The following CEP170B variants were observed in gnomAD, a reference collection of about 807,000 sequenced individuals.
CEP170B encodes centrosomal protein 170B, also known as centrosomal protein of 170 kDa protein B.
Under a neutral mutation model 120.6 loss-of-function variants are expected in CEP170B, and 55 were observed. The observed-to-expected ratio is 0.46, with a 90% CI of 0.37 to 0.57. The LOEUF is 0.57. Among genes scored for constraint, CEP170B ranks in the 20% least tolerant of loss-of-function variants. The pLI, the probability that CEP170B is intolerant of heterozygous loss-of-function variation, is 0.00. For missense variants in CEP170B, 2,212 were observed against 2,253.3 expected, an observed-to-expected ratio of 0.98 and a Z score of 0.37; for synonymous variants, 1,033 against 954.5, an observed-to-expected ratio of 1.08 and a Z score of -1.52.
intron 5 of CEP170B, among the ~76,000 whole-genome samples, chr14:104,879,822 G>A (rs993382700): frequency 6.6e-6 from 1 of 152,200 alleles, no homozygotes. Flanking sequence ...TTGTTCATGT[G>A]GGAGTTGTGG....
chr14:104,883,460 C>T lies in CEP170B; in HGVS notation c.1003C>T (p.Arg335Cys), dbSNP rs184184722. 253 of 1,560,096 alleles carry T rather than the reference C, an allele frequency of 1.6e-4. 1 individual carries two copies. Among genetic ancestry groups the T allele is most frequent in the East Asian group, 1.2e-3 (49 of 41,354 alleles). ...GCACCGGGTTGGCCCTGGGGATGAC[C>T]GCCACAGCACCAAGAGCGACCTGCC... ...LLHRVGPGDD[R>C]HSTKSDLPVH... is the part of the protein sequence containing the mutation. The change falls in exon 8 of 19, where the codon CGC becomes TGC. Residue 335 changes from arginine (R) to cysteine (C), a missense_variant. This residue lies in a region of CEP170B where 2,166 missense variants were observed against 2,166.7 expected (regional missense o/e 1.00). Coordinates refer to ENST00000414716, the MANE Select transcript of CEP170B (RefSeq NM_001112726.3).
At chr14:104,865,038 G>C (rs1895119102), upstream of CEP170B, among the ~76,000 whole-genome samples, 1 of 151,534 alleles carries the variant, frequency 6.6e-6, no homozygotes, top group Non-Finnish European at 1.5e-5. This position sits in a 1 kb window ranked among gnomAD's most constrained non-coding sequence, Gnocchi z 6.7. Context: ...AGCGGGGCCT[G>C]GGCGGTGGGG....
Position 104,867,986 on chromosome 14 carries a change from G to A in CEP170B, c.-27-438G>A, listed in dbSNP as rs1037449960. ...CTTGTTCAGTGTATGTCTTGGGGTG[G>A]GTCTGGTGCTGTGGACCTGGCATCA... is the stretch of plus-strand genomic sequence containing the variant. On this transcript the variant is annotated intron_variant, in intron 1 of 18. Transcript: ENST00000414716. This position sits in a 1 kb window ranked among gnomAD's most constrained non-coding sequence, Gnocchi z 5.4. Among the ~76,000 whole-genome samples, 1 of 152,038 alleles carries A rather than the reference G, an allele frequency of 6.6e-6. No individual in the cohort carries two copies. The highest frequency in any genetic ancestry group is 1.5e-5 in the Non-Finnish European group (1 of 67,986).
At chr14:104,890,985 ATGGG>A (rs1203055892) in intron 13 of CEP170B, among the ~76,000 whole-genome samples, 4 of 41,830 alleles carry the variant, frequency 9.6e-5, no homozygotes, top group South Asian at 1.8e-3. Context: ...GTGTGGATGG[ATGGG>A]TGGGTGGGTG....
intron 4 of CEP170B, 49 bp from the exon 5 acceptor site, chr14:104,878,394 G>T (rs367553168): frequency 6.3e-7 from 1 of 1,590,792 alleles, no homozygotes; most frequent in African/African-American, 1.3e-5. Flanking sequence ...GGACTTCAGC[G>T]CTGGGCTCCT....
At chr14:104,873,848 C>T (rs912594219) in intron 2 of CEP170B, among the ~76,000 whole-genome samples, 3 of 152,078 alleles carry the variant, frequency 2.0e-5, no homozygotes, top group Admixed American at 6.5e-5. Flanking sequence ...AGGGAGGGCC[C>T]GAGCCCGGCC....
In CEP170B at chr14:104,886,887, C is replaced by T. The variant is rs771243243; in HGVS notation, c.2648C>T (p.Pro883Leu). The change falls in exon 12 of 19, where the codon CCC becomes CTC. Residue 883 changes from proline to leucine, a missense_variant. By Grantham distance (98) the Pro-to-Leu change is moderately conservative. Transcript: ENST00000414716. ...PASGPPAPGK[P>L]PHISSHPLLQ... is the part of the protein sequence containing the mutation. Reference sequence around the variant, plus strand: ...AGTGGTCCCCCAGCGCCCGGCAAGCCCCCCCACATCTCCAGCCACCCGCTT... The same window carrying T: ...AGTGGTCCCCCAGCGCCCGGCAAGCTCCCCCACATCTCCAGCCACCCGCTT... The T allele has an allele frequency of 1.2e-6, 2 of 1,610,468 alleles. No individual in the cohort carries two copies. The highest frequency in any genetic ancestry group is 3.3e-5 in the Admixed American group (2 of 60,018).
In CEP170B at chr14:104,880,410, C is replaced by T. The variant is rs765432805; in HGVS notation, c.457C>T (p.Arg153Trp). ...GAACCCCAGGCCGGAGAAGGGGGAC[C>T]GGAGACCAGGAACAGGTAGGCCCAG... ...ASNPRPEKGD[R>W]RPGTEAASYR... The change falls in exon 6 of 19, where the codon CGG becomes TGG. Residue 153 changes from arginine to tryptophan, a missense_variant. Around this residue, in one of 2 missense-constraint regions of CEP170B, gnomAD observed 2,166 missense variants for 2,166.7 expected, o/e 1.00. Coordinates refer to ENST00000414716, the MANE Select transcript of CEP170B (RefSeq NM_001112726.3). 15 of 1,612,226 alleles carry T rather than the reference C, an allele frequency of 9.3e-6. No homozygotes were observed. Among genetic ancestry groups the T allele is most frequent in the South Asian group, 3.3e-5 (3 of 91,004 alleles).
chr14:104,872,141 GTGC>G (rs1259883536), intron 2 of CEP170B, among the ~76,000 whole-genome samples: 4 of 150,556 alleles, frequency 2.7e-5, no homozygotes, highest in African/African-American at 9.7e-5. Context: ...GTGCGTGTGT[GTGC>G]CGTGTGTGTG....
Position 104,889,445 on chromosome 14 carries a change from T to C in CEP170B, c.3740-175T>C, listed in dbSNP as rs183222088. Reference sequence around the variant, plus strand: ...ACTGAGCCCTCTCCCAGAGGGACCCTGGGACTGCCACAGGGTGCTGAGTGC... The same window carrying C: ...ACTGAGCCCTCTCCCAGAGGGACCCCGGGACTGCCACAGGGTGCTGAGTGC... On this transcript the variant is annotated intron_variant, in intron 12 of 18. Transcript: ENST00000414716. 1.4e-4 allele frequency: 211 copies of C among 1,475,014 alleles called. No individual in the cohort carries two copies. In the African/African-American group the frequency reaches 2.5e-3, roughly 17 times the overall value. 91.4% of individuals were successfully genotyped at this position (1,475,014 alleles called of 1,614,324 possible).
At chr14:104,872,231 G>A (rs1360559420) in intron 2 of CEP170B, among the ~76,000 whole-genome samples, 2 of 140,174 alleles carry the variant, frequency 1.4e-5, no homozygotes, top group African/African-American at 2.7e-5. Context: ...TGGGTGTGCC[G>A]TGCGTGTGTG....
At chr14:104,878,173 C>T (rs1476081340) in intron 4 of CEP170B, among the ~76,000 whole-genome samples, 2 of 151,998 alleles carry the variant, frequency 1.3e-5, no homozygotes, top group Non-Finnish European at 2.9e-5. Flanking sequence ...ACACCCTGGC[C>T]ACGGGTACCT....
intron 9 of CEP170B, 27 bp downstream of exon 9, chr14:104,884,576 C>G (rs371961088): frequency 6.5e-7 from 1 of 1,528,854 alleles, no homozygotes; most frequent in African/African-American, 1.5e-5. Flanking sequence ...AGTGAGAGCC[C>G]TCGTGGGGAA....
At position 104,883,258 on chromosome 14, in the gene CEP170B, C is replaced by T. The variant is rs780218993; in HGVS notation, c.801C>T (p.Ala267=). The T allele has an allele frequency of 2.0e-5, 33 of 1,611,536 alleles. No individual in the cohort carries two copies. The highest frequency in any genetic ancestry group is 2.5e-5 in the Non-Finnish European group (29 of 1,179,618). Residue 267 remains alanine (A), a synonymous_variant, in exon 8 of 19, where the codon GCC becomes GCT. Coordinates refer to ENST00000414716, the MANE Select transcript of CEP170B (RefSeq NM_001112726.3). ...CGGCCCCTGTGGTGCAGAGCCACGC[C>T]TCCTTCACCATCGAGTTTGATGACT... ...GGAAPVVQSH[A]SFTIEFDDCS...
chr14:104,894,384 C>T lies in CEP170B; in HGVS notation c.4365+6C>T, dbSNP rs530878777. ...TCCTGAAGACATCTAACAAGGTGAG[C>T]GCTGGGGCCCCGTGCCCCTTGGCCT... On this transcript the variant is annotated splice_donor_region_variant and intron_variant, in intron 17 of 18. Transcript: ENST00000414716. 26 of 1,612,688 alleles carry T rather than the reference C, an allele frequency of 1.6e-5. No homozygotes were observed. The highest frequency in any genetic ancestry group is 1.4e-4 in the South Asian group (13 of 91,074).
At chr14:104,878,347 G>A (rs1455472215) in intron 4 of CEP170B, 96 bp from the exon 5 acceptor site, 5 of 1,289,842 alleles carry the variant, frequency 3.9e-6, no homozygotes, top group Middle Eastern at 3.7e-4. Flanking sequence ...TGCCTGCCTC[G>A]ATGGGCCCTT....
intron 3 of CEP170B, among the ~76,000 whole-genome samples, chr14:104,876,656 G>A (rs1347195712): frequency 6.6e-6 from 1 of 152,086 alleles, no homozygotes; most frequent in Non-Finnish European, 1.5e-5. Flanking sequence ...GAGGCCCCCA[G>A]GCCTCCCCAG....
chr14:104,893,800 C>T lies in CEP170B; in HGVS notation c.4222C>T (p.Leu1408=). ...DNLMLNPVSQ[L]SQAIRENTEH... ...CCTGATGCTGAACCCGGTGTCCCAG[C>T]TGTCGCAGGCCATCCGTGAGAACAC... Residue 1408 remains leucine (L), a synonymous_variant, in exon 16 of 19, where the codon CTG becomes TTG. Transcript: ENST00000414716. The T allele has an allele frequency of 6.2e-7, 1 of 1,612,436 alleles. No individual in the cohort carries two copies. Among genetic ancestry groups the T allele is most frequent in the African/African-American group, 1.3e-5 (1 of 75,060 alleles).
At position 104,877,868 on chromosome 14, in the gene CEP170B, C is replaced by A; in HGVS notation, c.196-17C>A. On this transcript the variant is annotated splice_polypyrimidine_tract_variant and intron_variant, in intron 3 of 18. Coordinates refer to ENST00000414716, the MANE Select transcript of CEP170B (RefSeq NM_001112726.3). ...CGCGCAGCTCCCCCCCCCCCCCCGCCACCTGTTTTCCTGCAGACGTTTGTG... is the reference window on the plus strand; with the variant it reads ...CGCGCAGCTCCCCCCCCCCCCCCGCAACCTGTTTTCCTGCAGACGTTTGTG... The A allele has an allele frequency of 1.5e-6, 2 of 1,304,494 alleles. No homozygotes were observed. Among genetic ancestry groups the A allele is most frequent in the Non-Finnish European group, 1.1e-6 (1 of 946,282 alleles). 80.8% of individuals were successfully genotyped at this position (1,304,494 alleles called of 1,614,324 possible). A position where few individuals can be genotyped will look rare whatever the true frequency, so the allele number is the denominator to read the frequency against.
Sources: allele counts gnomAD v4.1 joint callset (sites outside exome capture counted in the v4.1 genomes callset), GRCh38; gene constraint gnomAD v4.1.1; regional missense constraint gnomAD v4.1.1; non-coding constraint Gnocchi (gnomAD v3.1); transcripts MANE v1.5; gene names NCBI Gene and HGNC (gene_info 2026-07-23, HGNC 2026-07-21).